CNOT1: variants seen among roughly 807,000 people sequenced by gnomAD.
CNOT1 encodes CCR4-NOT transcription complex subunit 1.
In CNOT1, 15 loss-of-function variants were observed where a neutral mutation model predicts 273.8. The observed-to-expected ratio is 0.05, with a 90% CI of 0.04 to 0.08. The LOEUF (loss-of-function observed/expected upper bound fraction) is 0.08, where lower values mean the gene tolerates loss of function less well. Among genes scored for constraint, CNOT1 ranks in the 10% least tolerant of loss-of-function variants. CNOT1 has a pLI of 1.00. For missense variants in CNOT1, 1,644 were observed against 2,912.2 expected (o/e 0.56, Z 10.02); for synonymous variants, 1,022 against 1,005.5 (o/e 1.02, Z -0.31).
chr16:58,593,717 A>G (rs1025589255), intron 2 of CNOT1, among the ~76,000 whole-genome samples: 16 of 152,110 alleles, frequency 1.1e-4, no homozygotes, highest in African/African-American at 3.9e-4. Context: ...ACAGAGTGAG[A>G]CTCTGTCTCA....
chr16:58,564,790 C>T (rs925461687), intron 16 of CNOT1, among the ~76,000 whole-genome samples: 1 of 151,934 alleles, frequency 6.6e-6, no homozygotes, highest in Non-Finnish European at 1.5e-5. Flanking sequence ...AATTAATTAG[C>T]TGGGCAGTGG....
At chr16:58,611,443 AAAAT>A (rs896647611) in intron 1 of CNOT1, among the ~76,000 whole-genome samples, 2 of 151,718 alleles carry the variant, frequency 1.3e-5, no homozygotes, top group East Asian at 1.9e-4. Context: ...AAAAATAAAT[AAAAT>A]AAATAAACTC....
At position 58,537,145 on chromosome 16, in the gene CNOT1, A is replaced by G. The variant is rs1187976751; in HGVS notation, c.5490T>C (p.Phe1830=). Residue 1830 remains phenylalanine (F), a synonymous_variant, in exon 39 of 49, where the codon TTT becomes TTC. Coordinates refer to ENST00000317147, the MANE Select transcript of CNOT1 (RefSeq NM_016284.5). ...CTTGAGAGATCCCAGAATGCATCAT[A>G]AAGTTTGGGCCTCCATGAGCACGAT... ...MIDRAHGGPN[F]MMHSGISQAS... The G allele has an allele frequency of 1.2e-6, 2 of 1,614,170 alleles. No homozygotes were observed. Among genetic ancestry groups the G allele is most frequent in the African/African-American group, 1.3e-5 (1 of 75,060 alleles).
intron 1 of CNOT1, among the ~76,000 whole-genome samples, chr16:58,608,221 AAAC>A (rs946130978): frequency 2.0e-5 from 3 of 151,966 alleles, no homozygotes; most frequent in Non-Finnish European, 4.4e-5. Context: ...AAATAAACTA[AAAC>A]ACAAACAAAC....
intron 1 of CNOT1, among the ~76,000 whole-genome samples, chr16:58,625,473 T>C (rs1165534813): frequency 2.6e-5 from 4 of 151,516 alleles, no homozygotes; most frequent in African/African-American, 4.8e-5. Context: ...GATCACACTA[T>C]TGCACTCCAG....
chr16:58,568,629 G>A (rs1388359104), intron 16 of CNOT1, among the ~76,000 whole-genome samples: 2 of 152,058 alleles, frequency 1.3e-5, no homozygotes, highest in East Asian at 1.9e-4. Context: ...GTAGTGAGCC[G>A]AGATCGTGCC....
intron 2 of CNOT1, among the ~76,000 whole-genome samples, chr16:58,597,187 TGCCTGTAATCACAGCACTTTGGGA>T (rs964433867): frequency 1.6e-4 from 25 of 151,690 alleles, no homozygotes; most frequent in East Asian, 7.8e-4. Context: ...TGATGGCTCA[TGCCTGTAATCACAGCACTTTGGGA>T]GCCTGTAATC....
rs899271001 is a variant in CNOT1 at position 58,613,690 on chromosome 16, G to C, written c.-174-14179C>G. Reference sequence around the variant, plus strand: ...AGGGGAAAAAAACAGTCACGTAACAGTGGTCTATTTAGATTATGTTCTTAT... The same window carrying C: ...AGGGGAAAAAAACAGTCACGTAACACTGGTCTATTTAGATTATGTTCTTAT... On this transcript the variant is annotated intron_variant, in intron 1 of 48. Transcript: ENST00000317147. Among the ~76,000 whole-genome samples, 2 of 124,782 alleles carry C rather than the reference G, an allele frequency of 1.6e-5. 1 individual carries two copies. Among genetic ancestry groups the C allele is most frequent in the African/African-American group, 5.4e-5 (2 of 37,124 alleles). 81.9% of individuals were successfully genotyped at this position (124,782 alleles called of 152,430 possible).
chr16:58,561,373 C>T (rs1193529015), intron 16 of CNOT1, among the ~76,000 whole-genome samples: 1 of 152,138 alleles, frequency 6.6e-6, no homozygotes, highest in African/African-American at 2.4e-5. Flanking sequence ...ATAGCTTCAA[C>T]CACTTTGTCA....
intron 39 of CNOT1, 85 bp downstream of exon 39, chr16:58,536,904 T>G (rs1383296123): frequency 6.5e-7 from 1 of 1,539,154 alleles, no homozygotes; most frequent in Admixed American, 2.0e-5. Context: ...TCTGACCACA[T>G]GTACGCAATA....
Position 58,559,970 on chromosome 16 carries a change from A to G in CNOT1, c.2130+242T>C, listed in dbSNP as rs766143177. 2.6e-6 allele frequency: 3 copies of G among 1,138,382 alleles called. No homozygotes were observed. In the South Asian group the frequency reaches 3.7e-5, roughly 14 times the overall value. 70.5% of individuals were successfully genotyped at this position (1,138,382 alleles called of 1,614,324 possible). On this transcript the variant is annotated intron_variant, in intron 17 of 48. Coordinates refer to ENST00000317147, the MANE Select transcript of CNOT1 (RefSeq NM_016284.5). ...CTACGTAATTCATATTTTAAAAAGA[A>G]ACCCTCTTCATTTACCTAAATAAAT... is the stretch of plus-strand genomic sequence containing the variant.
chr16:58,589,403 C>T (rs1384760597), intron 2 of CNOT1, among the ~76,000 whole-genome samples: 1 of 152,110 alleles, frequency 6.6e-6, no homozygotes, highest in Admixed American at 6.6e-5. Flanking sequence ...ACCCCAGCTA[C>T]TCGCGAGGCT....
intron 39 of CNOT1, among the ~76,000 whole-genome samples, chr16:58,536,542 C>T (rs1309736582): frequency 2.6e-5 from 4 of 152,086 alleles, no homozygotes; most frequent in Non-Finnish European, 5.9e-5. Flanking sequence ...TCCAAAGGAA[C>T]ATGTCACTAC....
At chr16:58,537,861 C>T in intron 38 of CNOT1, 30 bp downstream of exon 38, 6 of 1,611,730 alleles carry the variant, frequency 3.7e-6, no homozygotes, top group Non-Finnish European at 5.1e-6. Context: ...CTACTAAATG[C>T]ACAGGGATCT....
At chr16:58,618,650 CA>C (rs34816978) in intron 1 of CNOT1, among the ~76,000 whole-genome samples, 111 of 140,428 alleles carry the variant, frequency 7.9e-4, no homozygotes, top group Middle Eastern at 3.7e-3. Context: ...AACCCTGTCT[CA>C]AAAAAAAAAA....
Position 58,586,711 on chromosome 16 carries a change from CAGA to C in CNOT1, c.468_470del (p.Leu157del). The C allele has an allele frequency of 6.2e-7, 1 of 1,613,160 alleles. No homozygotes were observed. Among genetic ancestry groups the C allele is most frequent in the Non-Finnish European group, 8.5e-7 (1 of 1,179,896 alleles). On this transcript the variant is annotated inframe_deletion, in exon 7 of 49. Transcript: ENST00000317147. Reference sequence around the variant, plus strand: ...TGACGTCTGCGTCAATGTAAGAACGCAGAAGATCTGGAAGCTTCTGTTTGATAA... The same window carrying C: ...TGACGTCTGCGTCAATGTAAGAACGCAGATCTGGAAGCTTCTGTTTGATAA...
At chr16:58,581,137 C>G (rs111907180) in intron 11 of CNOT1, among the ~76,000 whole-genome samples, 21 of 151,698 alleles carry the variant, frequency 1.4e-4, no homozygotes, top group African/African-American at 4.9e-4. Flanking sequence ...ATTGGGAAAA[C>G]ACCTTGACAG....
chr16:58,614,233 T>C (rs1308965274), intron 1 of CNOT1, among the ~76,000 whole-genome samples: 1 of 124,026 alleles, frequency 8.1e-6, no homozygotes, highest in African/African-American at 2.7e-5. Flanking sequence ...AGAGGTAACA[T>C]AGATGGCCCG....
At chr16:58,616,684 G>A (rs1440035972) in intron 1 of CNOT1, among the ~76,000 whole-genome samples, 1 of 152,082 alleles carries the variant, frequency 6.6e-6, no homozygotes, top group East Asian at 1.9e-4. Flanking sequence ...TTGCTTTCGT[G>A]AGAATGACAT....
Sources: allele counts gnomAD v4.1 joint callset (sites outside exome capture counted in the v4.1 genomes callset), GRCh38; gene constraint gnomAD v4.1.1; transcripts MANE v1.5; gene names NCBI Gene and HGNC (gene_info 2026-07-23, HGNC 2026-07-21).